RPS10: variants seen among roughly 807,000 people sequenced by gnomAD.
The protein encoded by RPS10 is small ribosomal subunit protein eS10.
Under a neutral mutation model 22.6 loss-of-function variants are expected in RPS10, and 2 were observed. That is an observed-to-expected ratio of 0.09 (90% confidence interval 0.04 to 0.28). RPS10 has a LOEUF of 0.28. Among genes scored for constraint, RPS10 ranks in the 10% least tolerant of loss-of-function variants. The pLI, the probability that RPS10 is intolerant of heterozygous loss-of-function variation, is 1.00. For missense variants in RPS10, 137 were observed against 222.2 expected (o/e 0.62, Z 2.44); for synonymous variants, 70 against 75.9 (o/e 0.92, Z 0.40).
At chr6:34,422,012 C>T (rs1404108081) in intron 3 of RPS10, among the ~76,000 whole-genome samples, 1 of 136,394 alleles carries the variant, frequency 7.3e-6, no homozygotes, top group Non-Finnish European at 1.5e-5. Context: ...ATCTTGGCTG[C>T]AAATCTGAAA....
rs376829617 is a variant in RPS10, at chr6:34,424,853, A to C, written c.151-13T>G. On this transcript the variant is annotated splice_polypyrimidine_tract_variant and intron_variant, in intron 2 of 5. Transcript: ENST00000648437. ...GGGACTTGAGAGACTGTAAGGCAGAAAACTACTGTTAAGGCGTTAAGTAGA... is the reference window on the plus strand; with the variant it reads ...GGGACTTGAGAGACTGTAAGGCAGACAACTACTGTTAAGGCGTTAAGTAGA... 1 of 1,613,664 alleles carries C rather than the reference A, an allele frequency of 6.2e-7. No individual in the cohort carries two copies. The highest frequency in any genetic ancestry group is 8.5e-7 in the Non-Finnish European group (1 of 1,180,036).
chr6:34,420,142 A>G (rs1244475384), intron 4 of RPS10, among the ~76,000 whole-genome samples: 1 of 152,214 alleles, frequency 6.6e-6, no homozygotes, highest in Non-Finnish European at 1.5e-5. Context: ...GAAATTTTGT[A>G]TTAGATCTAT....
intron 5 of RPS10, chr6:34,418,049 G>A (rs1396481364): frequency 1.9e-5 from 15 of 799,704 alleles, no homozygotes; most frequent in Middle Eastern, 3.0e-4. Context: ...GAAAAAAGAT[G>A]GAGGATTTGA....
At chr6:34,425,602 G>T (rs937377842) in intron 1 of RPS10, 3 of 302,096 alleles carry the variant, frequency 9.9e-6, no homozygotes, top group African/African-American at 6.5e-5. Context: ...CGCAGGGAAG[G>T]CCCGGAGGGG....
intron 4 of RPS10, among the ~76,000 whole-genome samples, chr6:34,420,621 T>G (rs1232140317): frequency 6.6e-6 from 1 of 152,056 alleles, no homozygotes; most frequent in East Asian, 1.9e-4. Flanking sequence ...AGTGGTCACT[T>G]CTCCAAAAGA....
chr6:34,424,795 G>A lies in RPS10; in HGVS notation c.196C>T (p.His66Tyr). 11 of 1,614,130 alleles carry A rather than the reference G, an allele frequency of 6.8e-6. No individual in the cohort carries two copies. Among genetic ancestry groups the A allele is most frequent in the Non-Finnish European group, 9.3e-6 (11 of 1,180,044 alleles). Residue 66 changes from histidine to tyrosine, a missense_variant, in exon 3 of 6, where the codon CAT becomes TAT. By Grantham distance (83) the His-to-Tyr change is moderately conservative. Transcript: ENST00000648437. ...GYVKEQFAWR[H>Y]FYWYLTNEGI... ...TCATTGGTAAGGTACCAGTAGAAAT[G>A]TCTCCAGGCAAACTGTTCCTTCACG... is the stretch of plus-strand genomic sequence containing the variant.
chr6:34,422,312 T>C (rs1765795434), intron 3 of RPS10, among the ~76,000 whole-genome samples: 2 of 152,024 alleles, frequency 1.3e-5, no homozygotes, highest in Non-Finnish European at 2.9e-5. Context: ...GCAGAAACTT[T>C]ATTATTTATT....
intron 5 of RPS10, 128 bp from the exon 6 acceptor site, chr6:34,417,675 G>A (rs1765625488): frequency 3.5e-6 from 3 of 854,072 alleles, no homozygotes; most frequent in Non-Finnish European, 3.9e-6. Context: ...AGAGAGCTGA[G>A]TACAGGCTAT....
At chr6:34,418,711 G>A (rs1477421804) in intron 4 of RPS10, among the ~76,000 whole-genome samples, 3 of 151,964 alleles carry the variant, frequency 2.0e-5, no homozygotes, top group Admixed American at 1.3e-4. Flanking sequence ...CCACTTCACA[G>A]CAGCATCTAG....
chr6:34,421,852 C>A, intron 3 of RPS10, 45 bp from the exon 4 acceptor site: 1 of 1,611,554 alleles, frequency 6.2e-7, no homozygotes, highest in Non-Finnish European at 8.5e-7. Context: ...AATGTGAGAA[C>A]TCTGTCCCTT....
intron 5 of RPS10, 104 bp from the exon 6 acceptor site, chr6:34,417,651 T>G (rs772417847): frequency 9.3e-7 from 1 of 1,072,524 alleles, no homozygotes; most frequent in Non-Finnish European, 1.4e-6. Context: ...GGCCCCCAAA[T>G]GTAAACAGCT....
chr6:34,424,138 G>GT (rs796332243), intron 3 of RPS10: 553 of 8,232 alleles, frequency 0.067, 20 homozygotes, highest in Middle Eastern at 0.33. Context: ...GCAAGACTCC[G>GT]TTAAAAAAAA....
At chr6:34,419,461 C>A (rs1426512968) in intron 4 of RPS10, among the ~76,000 whole-genome samples, 5 of 152,020 alleles carry the variant, frequency 3.3e-5, no homozygotes, top group Admixed American at 3.3e-4. Context: ...CTGCACCCAG[C>A]CAATTACAAA....
At chr6:34,420,493 C>T (rs1765724714) in intron 4 of RPS10, among the ~76,000 whole-genome samples, 1 of 152,106 alleles carries the variant, frequency 6.6e-6, no homozygotes, top group Non-Finnish European at 1.5e-5. Flanking sequence ...GCTGGGATTA[C>T]AGGCATGAGC....
At chr6:34,418,048 T>C (rs1398888646) in intron 5 of RPS10, 14 of 794,998 alleles carry the variant, frequency 1.8e-5, no homozygotes, top group South Asian at 1.3e-4. Flanking sequence ...TGAAAAAAGA[T>C]GGAGGATTTG....
intron 4 of RPS10, among the ~76,000 whole-genome samples, chr6:34,419,657 A>C (rs1209430453): frequency 6.6e-6 from 1 of 151,936 alleles, no homozygotes; most frequent in Non-Finnish European, 1.5e-5. Flanking sequence ...AGCTCACTGC[A>C]ACCTTCACCT....
chr6:34,419,438 C>T (rs147523169), intron 4 of RPS10, among the ~76,000 whole-genome samples: 192 of 152,172 alleles, frequency 1.3e-3, no homozygotes, highest in African/African-American at 4.1e-3. Flanking sequence ...GCTGGAATTA[C>T]GGGTGTGAGC....
rs745760166 is a variant in RPS10, at chr6:34,425,200, G to A, written c.22C>T (p.Arg8Trp). 1.2e-5 allele frequency: 20 copies of A among 1,611,876 alleles called. No individual in the cohort carries two copies. Among genetic ancestry groups the A allele is most frequent in the Non-Finnish European group, 1.6e-5 (19 of 1,179,266 alleles). MLMPKKN[R>W]IAIYELLFKE... is the part of the protein sequence containing the mutation. ...AAAAGGAGTTCATAAATGGCAATCC[G>A]GTTCTTCTTAGGCATCAACATCTGC... Residue 8 changes from arginine (R) to tryptophan (W), a missense_variant, in exon 2 of 6, where the codon CGG becomes TGG. Physicochemically the swap from Arg to Trp is moderately radical, Grantham distance 101 (BLOSUM62 -3). Coordinates refer to ENST00000648437, the MANE Select transcript of RPS10 (RefSeq NM_001014.5).
rs1260450273 is a variant in RPS10 at position 34,425,144 on chromosome 6, A to G, written c.78T>C (p.Asp26=). The change falls in exon 2 of 6, where the codon GAT becomes GAC. Residue 26 remains aspartate, a synonymous_variant. Transcript: ENST00000648437. ...FKEGVMVAKK[D]VHMPKHPELA... ...GCTCCGGGTGCTTAGGCATGTGGAC[A>G]TCCTTCTTGGCCACCATGACTCCCT... 3.1e-6 allele frequency: 5 copies of G among 1,613,614 alleles called. No homozygotes were observed. The highest frequency in any genetic ancestry group is 4.2e-6 in the Non-Finnish European group (5 of 1,179,986).
Sources: gnomAD v4.1 joint callset for allele counts (sites outside exome capture counted in the v4.1 genomes callset) on GRCh38, gnomAD v4.1.1 for gene constraint, MANE v1.5 for transcripts, NCBI Gene and HGNC (gene_info 2026-07-23, HGNC 2026-07-21) for gene names.